The following ROBO2 variants were observed in gnomAD, a reference collection of about 807,000 sequenced individuals.
ROBO2 encodes the protein roundabout homolog 2.
Under a neutral mutation model 160.8 loss-of-function variants are expected in ROBO2, and 53 were observed. The observed-to-expected ratio is 0.33, with a 90% confidence interval of 0.26 to 0.41. The LOEUF is 0.41. Ranked by LOEUF, ROBO2 falls within the 10% of genes least tolerant of loss-of-function variation. ROBO2 has a pLI of 1.00. For synonymous variants in ROBO2, 664 were observed against 611.7 expected (o/e 1.09, Z -1.26); for missense variants, 1,577 against 1,722.4 (o/e 0.92, Z 1.49).
chr3:77,492,136 G>A (rs1354341382), intron 4 of ROBO2, among the ~76,000 whole-genome samples: 3 of 152,092 alleles, frequency 2.0e-5, no homozygotes, highest in Admixed American at 1.3e-4. Flanking sequence ...ATGTCCAGAT[G>A]GCCAGAAAAA....
chr3:77,044,415 G>A (rs951399842), intron 1 of ROBO2, among the ~76,000 whole-genome samples: 6 of 152,048 alleles, frequency 3.9e-5, no homozygotes, highest in East Asian at 1.9e-4. Flanking sequence ...TTTGGTTTTC[G>A]AAGAGTATTA....
At chr3:77,273,492 G>A (rs189569542) in intron 2 of ROBO2, among the ~76,000 whole-genome samples, 18 of 152,218 alleles carry the variant, frequency 1.2e-4, no homozygotes, top group Admixed American at 3.3e-4. Context: ...TAATCTAGCC[G>A]TTTTATTTAG....
intron 2 of ROBO2, among the ~76,000 whole-genome samples, chr3:76,367,383 A>T (rs2075872902): frequency 6.6e-6 from 1 of 151,058 alleles, no homozygotes; most frequent in Non-Finnish European, 1.5e-5. Context: ...TACAGACTCT[A>T]TTTTTTTTTC....
chr3:77,519,388 A>G (rs535454477), intron 5 of ROBO2, among the ~76,000 whole-genome samples: 2 of 151,408 alleles, frequency 1.3e-5, no homozygotes, highest in East Asian at 3.9e-4. Flanking sequence ...TTGGAGGTAC[A>G]TGTAAAGGTT....
intron 2 of ROBO2, among the ~76,000 whole-genome samples, chr3:76,358,465 G>A (rs2075307022): frequency 6.6e-6 from 1 of 151,910 alleles, no homozygotes; most frequent in Non-Finnish European, 1.5e-5. Flanking sequence ...CTTGCTAGGT[G>A]GCAGAGAAAA....
chr3:77,096,482 C>T (rs1370553684), intron 1 of ROBO2, among the ~76,000 whole-genome samples: 2 of 145,934 alleles, frequency 1.4e-5, no homozygotes, highest in Non-Finnish European at 3.0e-5. Context: ...GAGTTTTACT[C>T]TTGTCACTCG....
At chr3:76,916,645 T>G (rs901714015) in intron 2 of ROBO2, among the ~76,000 whole-genome samples, 1 of 151,650 alleles carries the variant, frequency 6.6e-6, no homozygotes, top group African/African-American at 2.4e-5. Context: ...GGCCTGATTT[T>G]ATTTTAAAAG....
chr3:76,324,045 A>T (rs775675659), intron 2 of ROBO2, among the ~76,000 whole-genome samples: 1 of 152,208 alleles, frequency 6.6e-6, no homozygotes, highest in Non-Finnish European at 1.5e-5. Context: ...CTTCAATACA[A>T]TGATCTATCA....
At chr3:75,919,823 T>A (rs967362322) in intron 1 of ROBO2, among the ~76,000 whole-genome samples, 14 of 152,222 alleles carry the variant, frequency 9.2e-5, no homozygotes, top group Admixed American at 9.2e-4. Flanking sequence ...TTTATTTGTG[T>A]AGAGGTGTTT....
At chr3:76,841,025 T>C (rs2068207898) in intron 2 of ROBO2, among the ~76,000 whole-genome samples, 1 of 152,120 alleles carries the variant, frequency 6.6e-6, no homozygotes, top group South Asian at 2.1e-4. Flanking sequence ...TGTACTACTG[T>C]AGATTTCCAC....
At chr3:76,239,389 GTATC>G (rs1385677887) in intron 2 of ROBO2, among the ~76,000 whole-genome samples, 1 of 151,690 alleles carries the variant, frequency 6.6e-6, no homozygotes, top group African/African-American at 2.4e-5. Flanking sequence ...TATATAGTAT[GTATC>G]TAGATAATGT....
chr3:76,531,599 T>A (rs2082229163), intron 2 of ROBO2, among the ~76,000 whole-genome samples: 1 of 150,886 alleles, frequency 6.6e-6, no homozygotes. Context: ...TGATTTTTGT[T>A]TTGTTTTGTT....
intron 1 of ROBO2, among the ~76,000 whole-genome samples, chr3:77,089,713 C>T (rs1455949517): frequency 6.6e-6 from 1 of 152,096 alleles, no homozygotes; most frequent in Non-Finnish European, 1.5e-5. Context: ...ATAAAATGGA[C>T]TTCGTGTTTT....
intron 2 of ROBO2, among the ~76,000 whole-genome samples, chr3:76,214,721 G>A (rs1575912703): frequency 6.6e-6 from 1 of 152,188 alleles, no homozygotes; most frequent in Non-Finnish European, 1.5e-5. Context: ...GCCTCTGTAG[G>A]CTCCACCTCT....
chr3:76,301,584 A>C (rs982711995), intron 2 of ROBO2, among the ~76,000 whole-genome samples: 2 of 152,082 alleles, frequency 1.3e-5, no homozygotes, highest in African/African-American at 4.8e-5. Flanking sequence ...CTGACACTTC[A>C]AGTCTCTAAT....
intron 2 of ROBO2, among the ~76,000 whole-genome samples, chr3:76,995,742 A>G (rs2060960966): frequency 6.6e-6 from 1 of 152,178 alleles, no homozygotes; most frequent in South Asian, 2.1e-4. Flanking sequence ...GGCTGCATAA[A>G]TGTCTTCTTT....
exon 1 of ROBO2, chr3:77,040,471 C>T (rs2063979300): frequency 8.4e-7 from 1 of 1,195,398 alleles, no homozygotes; most frequent in Non-Finnish European, 1.0e-6. Context: ...TGCAGTGGAG[C>T]CTAAGGAGAG....
intron 5 of ROBO2, among the ~76,000 whole-genome samples, chr3:77,498,099 G>A (rs377348936): frequency 3.3e-5 from 5 of 152,212 alleles, no homozygotes; most frequent in South Asian, 2.1e-4. Context: ...ATTATTAGCA[G>A]TCTTTAAAGA....
chr3:76,220,429 C>T (rs889871224), intron 2 of ROBO2, among the ~76,000 whole-genome samples: 2 of 151,890 alleles, frequency 1.3e-5, no homozygotes, highest in African/African-American at 4.8e-5. Context: ...AAAGCTCGAT[C>T]CTCACACAGG....
Sources: allele counts gnomAD v4.1 joint callset (sites outside exome capture counted in the v4.1 genomes callset), GRCh38; gene constraint gnomAD v4.1.1; transcripts MANE v1.5; gene names NCBI Gene and HGNC (gene_info 2026-07-23, HGNC 2026-07-21).